ZFAND6: variants seen among roughly 807,000 people sequenced by gnomAD.
ZFAND6 encodes AN1-type zinc finger protein 6.
ZFAND6 carries 12 observed loss-of-function variants against 24.5 expected under a neutral mutation model. That is an observed-to-expected ratio of 0.49 (90% CI 0.31 to 0.79). ZFAND6 has a LOEUF of 0.79. Ranked by LOEUF, ZFAND6 falls within the 30% of genes least tolerant of loss-of-function variation. ZFAND6 has a pLI of 0.04. For missense variants in ZFAND6, 207 were observed against 245.9 expected (o/e 0.84, Z 1.06); for synonymous variants, 92 against 81.5 (o/e 1.13, Z -0.69).
intron 2 of ZFAND6, among the ~76,000 whole-genome samples, chr15:80,109,947 G>A (rs1373628587): frequency 6.6e-6 from 1 of 152,194 alleles, no homozygotes; most frequent in African/African-American, 2.4e-5. Context: ...CAGTTCACAT[G>A]TCAGCTAAGG....
intron 2 of ZFAND6, among the ~76,000 whole-genome samples, chr15:80,106,257 C>T (rs2039319020): frequency 6.6e-6 from 1 of 152,172 alleles, no homozygotes; most frequent in African/African-American, 2.4e-5. Context: ...ATTCATCCAG[C>T]ATGTATTTGA....
At chr15:80,071,675 G>A (rs1249388069) in intron 1 of ZFAND6, among the ~76,000 whole-genome samples, 5 of 151,506 alleles carry the variant, frequency 3.3e-5, no homozygotes, top group Admixed American at 3.3e-4. Flanking sequence ...AGTTTAAGAG[G>A]AGTATACCTT....
chr15:80,138,210 T>TC lies in ZFAND6; in HGVS notation c.*582_*583insC, dbSNP rs1374468932. The TC allele has an allele frequency of 7.2e-5, 11 of 152,636 alleles. No homozygotes were observed. Among genetic ancestry groups the TC allele is most frequent in the African/African-American group, 2.7e-4 (11 of 41,458 alleles). 9.5% of individuals were successfully genotyped at this position (152,636 alleles called of 1,614,324 possible). A position where few individuals can be genotyped will look rare whatever the true frequency, so the allele number is the denominator to read the frequency against. On this transcript the variant is annotated 3_prime_UTR_variant, in exon 7 of 7. Transcript: ENST00000261749. ...GATTGTAAGTTTGTGTGTTTAAACT[T>TC]TTTTTTGAGCGAGGGAAGAAAAAGC...
intron 1 of ZFAND6, among the ~76,000 whole-genome samples, chr15:80,092,662 A>G (rs936284683): frequency 1.3e-5 from 2 of 152,156 alleles, no homozygotes; most frequent in African/African-American, 4.8e-5. Context: ...GCACGTAATC[A>G]GTGGTGGGTG....
chr15:80,111,720 T>C (rs555128728), intron 2 of ZFAND6, among the ~76,000 whole-genome samples: 74 of 152,374 alleles, frequency 4.9e-4, no homozygotes, highest in African/African-American at 1.8e-3. Context: ...GTTCAAAGTT[T>C]AATGTGCATT....
At chr15:80,060,009 G>C (rs1385985052) in intron 1 of ZFAND6, among the ~76,000 whole-genome samples, 200 bp downstream of exon 1, 1 of 151,388 alleles carries the variant, frequency 6.6e-6, no homozygotes, top group Non-Finnish European at 1.5e-5. Flanking sequence ...AGGACTCCCG[G>C]CTCCGGGGGT....
At chr15:80,108,402 A>G (rs989497732) in intron 2 of ZFAND6, among the ~76,000 whole-genome samples, 1 of 152,156 alleles carries the variant, frequency 6.6e-6, no homozygotes, top group Non-Finnish European at 1.5e-5. Flanking sequence ...CCATAGATAG[A>G]TCGATCAATC....
intron 3 of ZFAND6, among the ~76,000 whole-genome samples, chr15:80,121,241 C>A (rs1234671778): frequency 6.6e-6 from 1 of 152,034 alleles, no homozygotes; most frequent in Non-Finnish European, 1.5e-5. Flanking sequence ...AAACCTACAA[C>A]CATTTAACCA....
At chr15:80,090,893 CTT>C (rs2038317816) in intron 1 of ZFAND6, among the ~76,000 whole-genome samples, 1 of 152,104 alleles carries the variant, frequency 6.6e-6, no homozygotes, top group South Asian at 2.1e-4. Flanking sequence ...GAAATAATAA[CTT>C]TTTGACACCC....
At chr15:80,112,690 C>A in intron 2 of ZFAND6, 1 of 445,586 alleles carries the variant, frequency 2.2e-6, no homozygotes, top group Admixed American at 2.4e-5. Flanking sequence ...GCCCCTGCAC[C>A]TGGCCAGATT....
intron 1 of ZFAND6, among the ~76,000 whole-genome samples, chr15:80,082,660 T>C (rs2037745689): frequency 6.6e-6 from 1 of 152,218 alleles, no homozygotes; most frequent in South Asian, 2.1e-4. Context: ...TAGGAAAGAT[T>C]GACAGATGGA....
intron 1 of ZFAND6, among the ~76,000 whole-genome samples, chr15:80,086,648 A>G (rs1000557893): frequency 6.6e-6 from 1 of 152,248 alleles, no homozygotes; most frequent in African/African-American, 2.4e-5. Flanking sequence ...CATTAGCTTA[A>G]TCTTTTATTG....
At chr15:80,109,593 T>A (rs1214705481) in intron 2 of ZFAND6, among the ~76,000 whole-genome samples, 1 of 152,160 alleles carries the variant, frequency 6.6e-6, no homozygotes, top group Non-Finnish European at 1.5e-5. Context: ...GAGGAAGTCA[T>A]GTAATGGGGG....
At chr15:80,123,093 C>T (rs573241410) in intron 5 of ZFAND6, 7 of 237,658 alleles carry the variant, frequency 2.9e-5, no homozygotes, top group Admixed American at 5.4e-5. Flanking sequence ...CTATTTTGGC[C>T]GTTTCAGTCT....
intron 1 of ZFAND6, among the ~76,000 whole-genome samples, chr15:80,061,378 A>G (rs1392036525): frequency 6.6e-6 from 1 of 152,156 alleles, no homozygotes; most frequent in Non-Finnish European, 1.5e-5. Flanking sequence ...ACCAAAATAT[A>G]TTTAATACTA....
chr15:80,068,366 A>G (rs868321544), intron 1 of ZFAND6, among the ~76,000 whole-genome samples: 5 of 150,216 alleles, frequency 3.3e-5, no homozygotes, highest in South Asian at 2.1e-4. Context: ...TGTGTTGCCC[A>G]GGCTGGTCTT....
chr15:80,067,695 CAG>C (rs2036724451), intron 1 of ZFAND6, among the ~76,000 whole-genome samples: 1 of 152,076 alleles, frequency 6.6e-6, no homozygotes, highest in South Asian at 2.1e-4. Flanking sequence ...TGTTGGACAG[CAG>C]AGAGACAGTC....
At chr15:80,116,255 AG>A (rs1371787974) in intron 2 of ZFAND6, among the ~76,000 whole-genome samples, 7 of 152,136 alleles carry the variant, frequency 4.6e-5, no homozygotes, top group African/African-American at 1.7e-4. Context: ...TTCTCCCTTG[AG>A]GGGCAAACTG....
rs1409697005 is a variant in ZFAND6, at chr15:80,059,753, C to T, written c.-237C>T. The T allele has an allele frequency of 6.6e-6, 1 of 152,240 alleles. No individual in the cohort carries two copies. Among genetic ancestry groups the T allele is most frequent in the African/African-American group, 2.4e-5 (1 of 41,428 alleles). The allele number at this position is 152,240 out of a possible 1,614,324, so 9.4% of individuals were successfully genotyped here. A position where few individuals can be genotyped will look rare whatever the true frequency, so the allele number is the denominator to read the frequency against. On this transcript the variant is annotated 5_prime_UTR_variant, in exon 1 of 7. Transcript: ENST00000261749. Reference sequence around the variant, plus strand: ...TTCGGCGGCATTACCTGTACCCATTCACCGGCGGCTACCGGCGGCGGCGCG... The same window carrying T: ...TTCGGCGGCATTACCTGTACCCATTTACCGGCGGCTACCGGCGGCGGCGCG...
Sources: gnomAD v4.1 joint callset for allele counts (sites outside exome capture counted in the v4.1 genomes callset) on GRCh38, gnomAD v4.1.1 for gene constraint, MANE v1.5 for transcripts, NCBI Gene and HGNC (gene_info 2026-07-23, HGNC 2026-07-21) for gene names.